CLOCK: variants seen among roughly 807,000 people sequenced by gnomAD.
CLOCK encodes clock circadian regulator, also known as circadian locomoter output cycles protein kaput.
In CLOCK, 43 loss-of-function variants were observed where a neutral mutation model predicts 118.4. That is an observed-to-expected ratio of 0.36 (90% CI 0.28 to 0.47). The LOEUF (loss-of-function observed/expected upper bound fraction) is 0.47. Ranked by LOEUF, CLOCK falls within the 20% of genes least tolerant of loss-of-function variation. The pLI is 1.00. For missense variants in CLOCK, 846 were observed against 999.9 expected, an observed-to-expected ratio of 0.85 and a Z score of 2.08; for synonymous variants, 326 against 339.2, an observed-to-expected ratio of 0.96 and a Z score of 0.43.
At chr4:55,457,909 T>C (rs1247899156) in intron 11 of CLOCK, among the ~76,000 whole-genome samples, 1 of 151,878 alleles carries the variant, frequency 6.6e-6, no homozygotes, top group Non-Finnish European at 1.5e-5. Flanking sequence ...GGCATCTAAC[T>C]TATAGGGTTG....
At chr4:55,456,407 A>G (rs543534946) in intron 11 of CLOCK, 107 bp from the exon 12 acceptor site, 5 of 718,854 alleles carry the variant, frequency 7.0e-6, no homozygotes, top group Non-Finnish European at 1.2e-5. Context: ...TCACACCTGT[A>G]ATCCCAGCAC....
chr4:55,446,476 A>G (rs546129592), intron 18 of CLOCK, among the ~76,000 whole-genome samples: 89 of 152,292 alleles, frequency 5.8e-4, no homozygotes, highest in African/African-American at 2.1e-3. Context: ...CATGAGTAGA[A>G]TTACCCAAAG....
chr4:55,507,108 G>A (rs922822290), intron 2 of CLOCK, among the ~76,000 whole-genome samples: 1 of 152,144 alleles, frequency 6.6e-6, no homozygotes, highest in African/African-American at 2.4e-5. Context: ...AAGTCCAGGA[G>A]TTCTAGAGCA....
chr4:55,486,790 C>T (rs1727328668), intron 3 of CLOCK, among the ~76,000 whole-genome samples: 1 of 152,070 alleles, frequency 6.6e-6, no homozygotes, highest in African/African-American at 2.4e-5. Flanking sequence ...CTGGAAACTC[C>T]CTTGTTTTCT....
chr4:55,453,572 A>G, intron 14 of CLOCK, 105 bp downstream of exon 14: 2 of 881,192 alleles, frequency 2.3e-6, no homozygotes, highest in South Asian at 3.3e-5. Context: ...GCAATTGAGA[A>G]AAGAGCACTT....
chr4:55,505,964 C>A (rs1728770400), intron 2 of CLOCK, among the ~76,000 whole-genome samples: 1 of 151,762 alleles, frequency 6.6e-6, no homozygotes, highest in African/African-American at 2.4e-5. Flanking sequence ...TTCAACTATA[C>A]CTCCTAACAA....
intron 9 of CLOCK, among the ~76,000 whole-genome samples, chr4:55,460,337 C>A (rs1025313575): frequency 6.6e-6 from 1 of 152,172 alleles, no homozygotes; most frequent in East Asian, 1.9e-4. Context: ...TAGCATTTTA[C>A]GTGAGACAAA....
At chr4:55,499,579 A>G (rs1459171425) in intron 2 of CLOCK, among the ~76,000 whole-genome samples, 3 of 152,264 alleles carry the variant, frequency 2.0e-5, no homozygotes, top group African/African-American at 7.2e-5. Context: ...CTGATATGAC[A>G]GGAGGCGGAG....
At chr4:55,522,916 G>A (rs1729937367) in intron 1 of CLOCK, among the ~76,000 whole-genome samples, 2 of 152,138 alleles carry the variant, frequency 1.3e-5, no homozygotes, top group Admixed American at 1.3e-4. Flanking sequence ...AAATCTGAAG[G>A]GGCTCCTACT....
intron 6 of CLOCK, 134 bp downstream of exon 6, chr4:55,478,681 T>C: frequency 1.2e-6 from 1 of 848,564 alleles, no homozygotes; most frequent in South Asian, 1.6e-5. Context: ...ATGAACATAT[T>C]AGGAAACCTT....
chr4:55,446,753 T>C (rs1383967551), intron 18 of CLOCK, among the ~76,000 whole-genome samples: 1 of 152,248 alleles, frequency 6.6e-6, no homozygotes, highest in African/African-American at 2.4e-5. Context: ...ATTATTCCCA[T>C]GAATTTTCAG....
chr4:55,437,058 ATTG>A lies in CLOCK; in HGVS notation c.2361+1221_2361+1223del, dbSNP rs1203916192. ...CATAATAATTTAGAACTTGTTTTAA[ATTG>A]TTGTTATTTCTTTATTTGTAATAGT... On this transcript the variant is annotated intron_variant, in intron 22 of 22. Coordinates refer to ENST00000513440, the MANE Select transcript of CLOCK (RefSeq NM_004898.4). Among the ~76,000 whole-genome samples the A allele has an allele frequency of 2.6e-5, 4 of 152,082 alleles. No homozygotes were observed. In the South Asian group the frequency reaches 6.2e-4, roughly 24 times the overall value.
Position 55,435,648 on chromosome 4 carries a change from A to G in CLOCK, c.2362-54T>C, listed in dbSNP as rs149764104. The G allele has an allele frequency of 3.4e-5, 53 of 1,571,198 alleles. No homozygotes were observed. In the East Asian group the frequency reaches 5.8e-4, roughly 17 times the overall value. On this transcript the variant is annotated intron_variant, in intron 22 of 22. Coordinates refer to ENST00000513440, the MANE Select transcript of CLOCK (RefSeq NM_004898.4). The stretch of plus-strand genomic sequence containing the variant: ...GCTTTACTCCCTTTATGGCACCCAC[A>G]TAATAGTTACTCACACTCTCCCCTG...
intron 16 of CLOCK, 69 bp from the exon 17 acceptor site, chr4:55,449,565 A>G: frequency 2.3e-6 from 3 of 1,316,722 alleles, no homozygotes; most frequent in South Asian, 1.2e-5. Flanking sequence ...TAATCTCAAA[A>G]TGTATTTCAG....
At chr4:55,517,824 T>G (rs776807489) in intron 1 of CLOCK, among the ~76,000 whole-genome samples, 94 of 152,314 alleles carry the variant, frequency 6.2e-4, no homozygotes, top group South Asian at 1.2e-3. Flanking sequence ...TTCATTACTC[T>G]CATACATTGC....
chr4:55,504,022 C>A (rs1372708356), intron 2 of CLOCK, among the ~76,000 whole-genome samples: 6 of 138,580 alleles, frequency 4.3e-5, no homozygotes, highest in South Asian at 2.3e-4. Context: ...CAGTGGCTCA[C>A]GCCTGTAATC....
chr4:55,450,230 G>C lies in CLOCK; in HGVS notation c.1209C>G (p.Ser403Arg). Residue 403 changes from serine to arginine, a missense_variant and splice_region_variant, in exon 16 of 23, where the codon AGC becomes AGG. By Grantham distance (110) the Ser-to-Arg change is moderately radical. This residue lies in a region of CLOCK where 520 missense variants were observed against 558.0 expected (regional missense o/e 0.93). Coordinates refer to ENST00000513440, the MANE Select transcript of CLOCK (RefSeq NM_004898.4). ...TACGATTATCTGACCCAGAATCTTGGCTCTATGGAGACAGAGTAAAATAAA... is the reference window on the plus strand; with the variant it reads ...TACGATTATCTGACCCAGAATCTTGCCTCTATGGAGACAGAGTAAAATAAA... ...ESLPETAADK[S>R]QDSGSDNRIN... 2 of 1,613,878 alleles carry C rather than the reference G, an allele frequency of 1.2e-6. No individual in the cohort carries two copies. Among genetic ancestry groups the C allele is most frequent in the East Asian group, 2.2e-5 (1 of 44,862 alleles).
rs762102573 is a variant in CLOCK at position 55,475,087 on chromosome 4, C to T, written c.348+876G>A. On this transcript the variant is annotated intron_variant, in intron 7 of 22. Transcript: ENST00000513440. ...GAAAACCTTCTGGAAAGAATTCACC[C>T]GTCTAGATGGCATGAGAAGATTTCT... Among the ~76,000 whole-genome samples, 84 of 152,246 alleles carry T rather than the reference C, an allele frequency of 5.5e-4. 1 individual carries two copies. The highest frequency in any genetic ancestry group is 3.5e-4 in the Non-Finnish European group (24 of 68,018).
chr4:55,448,595 C>CGCGT (rs1553891197), intron 18 of CLOCK, among the ~76,000 whole-genome samples, 184 bp downstream of exon 18: 4 of 33,248 alleles, frequency 1.2e-4, no homozygotes, highest in South Asian at 1.7e-3. Flanking sequence ...CGCGCGCGCA[C>CGCGT]GCGCGCGTGT....
Sources: gnomAD v4.1 joint callset for allele counts (sites outside exome capture counted in the v4.1 genomes callset) on GRCh38, gnomAD v4.1.1 for gene constraint, gnomAD v4.1.1 regional missense constraint, MANE v1.5 for transcripts, NCBI Gene and HGNC (gene_info 2026-07-23, HGNC 2026-07-21) for gene names.